ACKR3: variants seen among roughly 807,000 people sequenced by gnomAD.
The protein encoded by ACKR3 is atypical chemokine receptor 3.
In ACKR3, 6 loss-of-function variants were observed where a neutral mutation model predicts 22.4. The ratio of observed to expected loss-of-function variants is 0.27; its 90% CI spans 0.15 to 0.53. The LOEUF (loss-of-function observed/expected upper bound fraction) is 0.53. Ranked by LOEUF, ACKR3 falls within the 20% of genes least tolerant of loss-of-function variation. The probability of loss-of-function intolerance (pLI) is 0.96; values close to 1 mark genes in which losing one functional copy is unlikely to be tolerated. For synonymous variants in ACKR3, 209 were observed against 205.2 expected, an observed-to-expected ratio of 1.02 and a Z score of -0.16; for missense variants, 396 against 475.2, an observed-to-expected ratio of 0.83 and a Z score of 1.55.
At chr2:236,543,888 G>T in the ACKR3 span, among the ~76,000 whole-genome samples, 1 of 140,612 alleles carries the variant, frequency 7.1e-6, no homozygotes, top group African/African-American at 2.5e-5. Flanking sequence ...AATTGTGCTT[G>T]TTCAATGACA....
intron 1 of ACKR3, among the ~76,000 whole-genome samples, chr2:236,571,125 T>C (rs1457560647): frequency 2.0e-5 from 3 of 152,248 alleles, no homozygotes; most frequent in African/African-American, 7.2e-5. Context: ...TTTCTGTGCT[T>C]TAACTTTCCA....
chr2:236,565,166 C>G (rs1341836556), upstream of ACKR3, among the ~76,000 whole-genome samples: 1 of 151,818 alleles, frequency 6.6e-6, no homozygotes, highest in Non-Finnish European at 1.5e-5. Flanking sequence ...CTGCAAGAAA[C>G]CACTCATGTG....
chr2:236,552,870 T>C, the ACKR3 span, among the ~76,000 whole-genome samples: 4 of 152,188 alleles, frequency 2.6e-5, no homozygotes, highest in African/African-American at 9.6e-5. Context: ...TCCCAGGCCC[T>C]AGGAGAGGCC....
chr2:236,580,249 T>C (rs548986450), intron 1 of ACKR3, among the ~76,000 whole-genome samples, 191 bp from the exon 2 acceptor site: 104 of 152,360 alleles, frequency 6.8e-4, no homozygotes, highest in African/African-American at 2.4e-3. Flanking sequence ...ATTCAGAGTA[T>C]GATTTATTTT....
the ACKR3 span, among the ~76,000 whole-genome samples, chr2:236,538,101 G>A: frequency 6.6e-6 from 1 of 151,274 alleles, no homozygotes; most frequent in African/African-American, 2.4e-5. Context: ...TTTTTTTCTA[G>A]CGTGAAAAGC....
In ACKR3 at chr2:236,580,852, C is replaced by T. The variant is rs564714041; in HGVS notation, c.387C>T (p.Phe129=). 50 of 1,614,094 alleles carry T rather than the reference C, an allele frequency of 3.1e-5. No homozygotes were observed. The highest frequency in any genetic ancestry group is 1.6e-4 in the Middle Eastern group (1 of 6,084). The stretch of plus-strand genomic sequence containing the variant: ...ACCTCATCTTCTCCATCAACCTCTT[C>T]GGCAGCATTTTCTTCCTCACGTGCA... ...VTHLIFSINL[F]GSIFFLTCMS... The change falls in exon 2 of 2, where the codon TTC becomes TTT. Residue 129 remains phenylalanine (F), a synonymous_variant. Transcript: ENST00000272928.
At chr2:236,566,688 C>A (rs1051384572), upstream of ACKR3, among the ~76,000 whole-genome samples, 3 of 141,820 alleles carry the variant, frequency 2.1e-5, no homozygotes, top group Non-Finnish European at 4.5e-5. Context: ...ACTGCTTGCT[C>A]GGGTCTGTCC....
rs768571088 is a variant in ACKR3, at chr2:236,580,436, A to T, written c.-26-4A>T. 2 of 1,588,088 alleles carry T rather than the reference A, an allele frequency of 1.3e-6. No individual in the cohort carries two copies. Among genetic ancestry groups the T allele is most frequent in the Middle Eastern group, 1.7e-4 (1 of 5,948 alleles). Reference sequence around the variant, plus strand: ...TCTTTTTTGTTTGCTTGGTTTTCTCATAGGTCATTTGATTGCCCGCCTCAG... The same window carrying T: ...TCTTTTTTGTTTGCTTGGTTTTCTCTTAGGTCATTTGATTGCCCGCCTCAG... On this transcript the variant is annotated splice_polypyrimidine_tract_variant and splice_region_variant and intron_variant, in intron 1 of 1. Coordinates refer to ENST00000272928, the MANE Select transcript of ACKR3 (RefSeq NM_020311.3).
At chr2:236,550,411 A>G in the ACKR3 span, among the ~76,000 whole-genome samples, 1 of 152,226 alleles carries the variant, frequency 6.6e-6, no homozygotes, top group Non-Finnish European at 1.5e-5. This position sits in a 1 kb window ranked among gnomAD's most constrained non-coding sequence, Gnocchi z 4.6. Context: ...TGGTGTAGTT[A>G]GGGCTGATGT....
At chr2:236,580,298 C>T in intron 1 of ACKR3, 142 bp from the exon 2 acceptor site, 3 of 771,400 alleles carry the variant, frequency 3.9e-6, no homozygotes, top group African/African-American at 1.7e-5. Context: ...TTTCTCCCTT[C>T]TTTGCAAAGA....
the ACKR3 span, among the ~76,000 whole-genome samples, chr2:236,560,024 A>G: frequency 2.0e-5 from 3 of 152,258 alleles, no homozygotes; most frequent in Non-Finnish European, 4.4e-5. Flanking sequence ...TTGCATTTCA[A>G]TAAAATTTAA....
upstream of ACKR3, among the ~76,000 whole-genome samples, chr2:236,566,672 A>G (rs1691185044): frequency 6.7e-6 from 1 of 149,022 alleles, no homozygotes; most frequent in Non-Finnish European, 1.5e-5. Context: ...TAAGTAGTGG[A>G]CGCGAACTGC....
At chr2:236,580,121 G>C (rs1691487944) in intron 1 of ACKR3, among the ~76,000 whole-genome samples, 1 of 152,188 alleles carries the variant, frequency 6.6e-6, no homozygotes. Flanking sequence ...TTTGGCCCCT[G>C]TACTGTGTTG....
chr2:236,547,774 A>G, the ACKR3 span, among the ~76,000 whole-genome samples: 1 of 151,780 alleles, frequency 6.6e-6, no homozygotes, highest in Non-Finnish European at 1.5e-5. Context: ...CTAATTGCCT[A>G]TTCTTTGTGC....
At chr2:236,544,310 A>T in the ACKR3 span, among the ~76,000 whole-genome samples, 1 of 152,112 alleles carries the variant, frequency 6.6e-6, no homozygotes, top group Non-Finnish European at 1.5e-5. This position sits in a 1 kb window ranked among gnomAD's most constrained non-coding sequence, Gnocchi z 5.0. Context: ...TTATAAGGAC[A>T]AAAAAGGATC....
intron 1 of ACKR3, among the ~76,000 whole-genome samples, chr2:236,579,983 C>T (rs1691485609): frequency 6.6e-6 from 1 of 152,234 alleles, no homozygotes; most frequent in Admixed American, 6.5e-5. Flanking sequence ...ACTTGTAATA[C>T]AGCAGTGCCA....
chr2:236,576,648 T>G (rs1691416350), intron 1 of ACKR3, among the ~76,000 whole-genome samples: 1 of 152,246 alleles, frequency 6.6e-6, no homozygotes, highest in Non-Finnish European at 1.5e-5. Context: ...TGAATGGTGG[T>G]CAATGAAAGT....
At chr2:236,566,765 T>TTCCTTCCTTCCTTCCTTCC (rs1292785344), upstream of ACKR3, among the ~76,000 whole-genome samples, 3 of 148,624 alleles carry the variant, frequency 2.0e-5, no homozygotes, top group African/African-American at 7.4e-5. Flanking sequence ...CCTTCCTTCC[T>TTCCTTCCTTCCTTCCTTCC]TTTCTTTGCT....
chr2:236,549,726 C>G, the ACKR3 span, among the ~76,000 whole-genome samples: 564 of 152,272 alleles, frequency 3.7e-3, 2 homozygotes, highest in Admixed American at 7.5e-3. This position sits in a 1 kb window ranked among gnomAD's most constrained non-coding sequence, Gnocchi z 5.3. Flanking sequence ...TGAAAGGGAA[C>G]GAGCCACCAC....
Sources: gnomAD v4.1 joint callset for allele counts (sites outside exome capture counted in the v4.1 genomes callset) on GRCh38, gnomAD v4.1.1 for gene constraint, Gnocchi (gnomAD v3.1) non-coding constraint, MANE v1.5 for transcripts, NCBI Gene and HGNC (gene_info 2026-07-23, HGNC 2026-07-21) for gene names.